Variants in PES1 observed in about 807,000 individuals in gnomAD.
PES1 encodes the protein pescadillo homolog.
Under a neutral mutation model 77.1 loss-of-function variants are expected in PES1, and 31 were observed. The observed-to-expected ratio is 0.40, with a 90% confidence interval of 0.30 to 0.54. The LOEUF (loss-of-function observed/expected upper bound fraction) is 0.54. PES1 is among the 20% of genes least tolerant of loss of function. The pLI is 0.45. For synonymous variants in PES1, 282 were observed against 303.0 expected (o/e 0.93, Z 0.72); for missense variants, 658 against 771.7 (o/e 0.85, Z 1.75).
At chr22:30,588,419 A>G (rs1569026680) in intron 2 of PES1, among the ~76,000 whole-genome samples, 2 of 152,242 alleles carry the variant, frequency 1.3e-5, no homozygotes, top group Non-Finnish European at 2.9e-5. Context: ...AAAGGAGAGA[A>G]GCATCCTAAC....
At chr22:30,600,771 C>G (rs949866300) in intron 2 of PES1, among the ~76,000 whole-genome samples, 1 of 152,076 alleles carries the variant, frequency 6.6e-6, no homozygotes, top group East Asian at 1.9e-4. Flanking sequence ...GCCGAGATCG[C>G]GTCACTGCAC....
chr22:30,592,092 G>T, upstream of PES1: 3 of 1,305,512 alleles, frequency 2.3e-6, no homozygotes, highest in Non-Finnish European at 2.9e-6. Context: ...CACTTTAAGT[G>T]TTAAAACAAA....
At chr22:30,588,783 C>G (rs1365187523) in intron 2 of PES1, among the ~76,000 whole-genome samples, 1 of 148,396 alleles carries the variant, frequency 6.7e-6, no homozygotes, top group Non-Finnish European at 1.5e-5. Context: ...ACTCTGTCTC[C>G]GGGGAAAAAA....
At chr22:30,577,582 C>T (rs2086920415) in intron 14 of PES1, among the ~76,000 whole-genome samples, 1 of 152,206 alleles carries the variant, frequency 6.6e-6, no homozygotes, top group African/African-American at 2.4e-5. Flanking sequence ...CTCACTGCAG[C>T]CTCAAACGAT....
chr22:30,596,891 C>T (rs963286843), upstream of PES1, among the ~76,000 whole-genome samples: 18 of 152,174 alleles, frequency 1.2e-4, no homozygotes, highest in African/African-American at 2.2e-4. Context: ...CAGGGCTGTG[C>T]GCGGCGCTTG....
At chr22:30,592,021 G>A (rs2087189114), upstream of PES1, 3 of 1,366,744 alleles carry the variant, frequency 2.2e-6, no homozygotes, top group Non-Finnish European at 2.8e-6. Context: ...TAAAACTATA[G>A]TCTGAAAAAA....
chr22:30,597,131 T>C (rs911438485), intron 2 of PES1, among the ~76,000 whole-genome samples: 1 of 152,142 alleles, frequency 6.6e-6, no homozygotes, highest in African/African-American at 2.4e-5. Context: ...CAGCCTGCCA[T>C]GCCTGAGTCT....
chr22:30,577,799 T>G (rs2086925432), intron 14 of PES1, among the ~76,000 whole-genome samples: 1 of 152,066 alleles, frequency 6.6e-6, no homozygotes, highest in Admixed American at 6.5e-5. Context: ...CCCAGACCCA[T>G]TTGACAATAA....
At chr22:30,579,613 TA>T (rs1235703766) in intron 12 of PES1, 137 bp downstream of exon 12, 4 of 807,456 alleles carry the variant, frequency 5.0e-6, no homozygotes, top group Admixed American at 5.4e-5. Context: ...TCCCTTCTCC[TA>T]AGCCTTATTC....
chr22:30,603,399 C>T (rs1056588344), intron 2 of PES1, among the ~76,000 whole-genome samples: 6 of 150,556 alleles, frequency 4.0e-5, no homozygotes, highest in Admixed American at 6.6e-5. Flanking sequence ...TTTGTTTCTC[C>T]GAGATGGGGT....
chr22:30,578,617 A>C (rs2086935964), intron 14 of PES1, among the ~76,000 whole-genome samples: 1 of 152,172 alleles, frequency 6.6e-6, no homozygotes, highest in Admixed American at 6.5e-5. Context: ...GGTGGGACGG[A>C]AGCCGTAAGG....
In PES1 at chr22:30,580,075, G is replaced by T; in HGVS notation, c.1147C>A (p.Gln383Lys). The change falls in exon 11 of 15, where the codon CAG (glutamine) becomes AAG (lysine). Residue 383 changes from glutamine (Q) to lysine (K), a missense_variant. Coordinates refer to ENST00000354694, the MANE Select transcript of PES1 (RefSeq NM_014303.4). ...ITHQIVDRPG[Q>K]QTSVIGRCYV... ...TACCTGCCAATGACTGAGGTCTGCTGCCCAGGCCGGTCGACAATCTGATGG... is the reference window on the plus strand; with the variant it reads ...TACCTGCCAATGACTGAGGTCTGCTTCCCAGGCCGGTCGACAATCTGATGG... The T allele has an allele frequency of 1.2e-6, 2 of 1,614,110 alleles. No homozygotes were observed. Among genetic ancestry groups the T allele is most frequent in the Non-Finnish European group, 1.7e-6 (2 of 1,179,986 alleles).
intron 9 of PES1, 62 bp from the exon 10 acceptor site, chr22:30,580,763 G>A (rs2086972329): frequency 1.2e-6 from 2 of 1,604,406 alleles, no homozygotes; most frequent in African/African-American, 2.7e-5. Context: ...GGAGGGCCAG[G>A]GCTGGAGATA....
intron 2 of PES1, among the ~76,000 whole-genome samples, chr22:30,598,912 T>TTTTTTTTA (rs761643665): frequency 0.012 from 1,423 of 116,038 alleles, 143 homozygotes; most frequent in African/African-American, 0.025. Flanking sequence ...TTTTTTTTTT[T>TTTTTTTTA]TTGAGATGGA....
chr22:30,606,046 C>T (rs1017783311), intron 1 of PES1, among the ~76,000 whole-genome samples: 1 of 152,142 alleles, frequency 6.6e-6, no homozygotes, highest in Non-Finnish European at 1.5e-5. Flanking sequence ...GTTAAGTGAC[C>T]TGGCCAAAGT....
At chr22:30,588,315 C>G (rs2087123923) in intron 2 of PES1, 141 bp from the exon 3 acceptor site, 12 of 891,708 alleles carry the variant, frequency 1.3e-5, no homozygotes, top group Non-Finnish European at 2.1e-5. Context: ...GTACATGAGT[C>G]TGACAGTCAC....
At position 30,584,587 on chromosome 22, in the gene PES1, C is replaced by T; in HGVS notation, c.499G>A (p.Glu167Lys). The change falls in exon 5 of 15, where the codon GAG becomes AAG. Residue 167 changes from glutamate to lysine, a missense_variant. Glu to Lys is a moderately conservative substitution (Grantham distance 56). Transcript: ENST00000354694. Reference protein sequence around the residue: ...TIQLCRRLTVEFMHYIIAARA... With the variant: ...TIQLCRRLTVKFMHYIIAARA... ...GCAGCGATAATGTAGTGCATGAACTCCACAGTGAGCCGGCGGCACAGCTGA... is the reference window on the plus strand; with the variant it reads ...GCAGCGATAATGTAGTGCATGAACTTCACAGTGAGCCGGCGGCACAGCTGA... 6.2e-7 allele frequency: 1 copy of T among 1,613,076 alleles called. No individual in the cohort carries two copies. Among genetic ancestry groups the T allele is most frequent in the Non-Finnish European group, 8.5e-7 (1 of 1,179,574 alleles).
chr22:30,585,647 C>G (rs1422534437), intron 4 of PES1, among the ~76,000 whole-genome samples: 1 of 143,546 alleles, frequency 7.0e-6, no homozygotes, highest in African/African-American at 2.6e-5. Context: ...TTTCTTTTTT[C>G]CAAATGCCCA....
upstream of PES1, among the ~76,000 whole-genome samples, chr22:30,593,603 A>G (rs192439785): frequency 5.1e-4 from 77 of 152,308 alleles, 2 homozygotes; most frequent in Admixed American, 4.6e-3. Flanking sequence ...TGGCCTGGGC[A>G]GTCATCTCAC....
Sources: gnomAD v4.1 joint callset for allele counts (sites outside exome capture counted in the v4.1 genomes callset) on GRCh38, gnomAD v4.1.1 for gene constraint, MANE v1.5 for transcripts, NCBI Gene and HGNC (gene_info 2026-07-23, HGNC 2026-07-21) for gene names.